GALNTL5: variants seen among roughly 807,000 people sequenced by gnomAD.
GALNTL5 encodes polypeptide N-acetylgalactosaminyltransferase like 5, also known as inactive polypeptide N-acetylgalactosaminyltransferase-like protein 5.
GALNTL5 carries 44 observed loss-of-function variants against 51.0 expected under a neutral mutation model. The ratio of observed to expected loss-of-function variants is 0.86; its 90% CI spans 0.68 to 1.11. The LOEUF (loss-of-function observed/expected upper bound fraction) is 1.11, where lower values mean the gene tolerates loss of function less well. Among genes scored for constraint, GALNTL5 ranks in the 50% least tolerant of loss-of-function variants. GALNTL5 has a pLI of 0.00. For synonymous variants in GALNTL5, 192 were observed against 182.8 expected (o/e 1.05, Z -0.41); for missense variants, 528 against 531.8 (o/e 0.99, Z 0.07).
intron 1 of GALNTL5, among the ~76,000 whole-genome samples, chr7:151,963,420 C>T (rs549220061): frequency 1.1e-4 from 16 of 152,194 alleles, no homozygotes; most frequent in African/African-American, 1.7e-4. Flanking sequence ...TATTTTGAGA[C>T]GGAGTCTCAC....
At chr7:151,978,108 TTTGA>T (rs1396234996) in intron 3 of GALNTL5, among the ~76,000 whole-genome samples, 3 of 152,192 alleles carry the variant, frequency 2.0e-5, no homozygotes, top group African/African-American at 7.2e-5. Flanking sequence ...ATAAGGTTAG[TTTGA>T]TTATTTTACC....
intron 8 of GALNTL5, among the ~76,000 whole-genome samples, chr7:152,019,260 T>C (rs779307635): frequency 1.3e-5 from 2 of 152,208 alleles, no homozygotes; most frequent in Non-Finnish European, 2.9e-5. Context: ...CTCCCTTTAC[T>C]ACATCATCCC....
Position 152,014,802 on chromosome 7 carries a change from C to A in GALNTL5, c.1176+9C>A, listed in dbSNP as rs1218541622. On this transcript the variant is annotated intron_variant, in intron 8 of 8. Transcript: ENST00000392800. Reference sequence around the variant, plus strand: ...GGCTGGATGAATATAAGGTGGGGAACACATCCTTGACTTGGAAAATGTATG... The same window carrying A: ...GGCTGGATGAATATAAGGTGGGGAAAACATCCTTGACTTGGAAAATGTATG... 1 of 1,598,496 alleles carries A rather than the reference C, an allele frequency of 6.3e-7. No individual in the cohort carries two copies. The highest frequency in any genetic ancestry group is 1.1e-5 in the South Asian group (1 of 88,228).
chr7:151,957,417 C>T (rs35850980), intron 1 of GALNTL5, among the ~76,000 whole-genome samples: 2 of 149,492 alleles, frequency 1.3e-5, no homozygotes, highest in Non-Finnish European at 3.0e-5. Context: ...TGGTGGCACT[C>T]ACCAGCCTGT....
chr7:151,968,306 A>G (rs1306344845), intron 2 of GALNTL5, among the ~76,000 whole-genome samples: 3 of 152,214 alleles, frequency 2.0e-5, no homozygotes, highest in Non-Finnish European at 4.4e-5. Context: ...CTCAAAAAAA[A>G]ATAAATAAAT....
intron 5 of GALNTL5, among the ~76,000 whole-genome samples, chr7:152,001,220 T>G (rs2081576253): frequency 1.3e-5 from 2 of 151,988 alleles, no homozygotes; most frequent in Non-Finnish European, 2.9e-5. Context: ...CCATTTTTTT[T>G]TTTTCATTTT....
At chr7:152,012,084 T>C (rs2081744615) in intron 7 of GALNTL5, among the ~76,000 whole-genome samples, 1 of 152,222 alleles carries the variant, frequency 6.6e-6, no homozygotes, top group Admixed American at 6.5e-5. Flanking sequence ...TCATGCTGAA[T>C]GGCAGGAATT....
intron 6 of GALNTL5, 30 bp downstream of exon 6, chr7:152,002,993 T>A (rs754653699): frequency 6.2e-7 from 1 of 1,603,832 alleles, no homozygotes; most frequent in Non-Finnish European, 8.5e-7. Flanking sequence ...TGGAAAAATA[T>A]AGCATACGTG....
At chr7:151,972,156 G>T (rs940651772) in intron 3 of GALNTL5, among the ~76,000 whole-genome samples, 10 of 152,220 alleles carry the variant, frequency 6.6e-5, no homozygotes, top group Admixed American at 4.6e-4. Flanking sequence ...ATTTCCTAGA[G>T]ACTTGTTGAA....
intron 1 of GALNTL5, chr7:151,960,810 C>T (rs939145244): frequency 1.3e-5 from 2 of 152,414 alleles, no homozygotes; most frequent in East Asian, 3.9e-4. Flanking sequence ...GAATGGGTGT[C>T]TCTGCCCTGA....
chr7:152,007,701 A>G, intron 6 of GALNTL5, 126 bp from the exon 7 acceptor site: 1 of 686,800 alleles, frequency 1.5e-6, no homozygotes, highest in South Asian at 1.6e-5. Context: ...TACAGGCATG[A>G]GCCTCCACAC....
intron 5 of GALNTL5, among the ~76,000 whole-genome samples, chr7:151,989,118 G>A (rs1447243709): frequency 2.0e-5 from 3 of 151,304 alleles, no homozygotes; most frequent in Non-Finnish European, 4.4e-5. Flanking sequence ...GTTTTGAATT[G>A]CTGTGTTGTA....
chr7:151,980,146 C>T (rs1007548657), intron 3 of GALNTL5, among the ~76,000 whole-genome samples: 1 of 151,818 alleles, frequency 6.6e-6, no homozygotes, highest in Non-Finnish European at 1.5e-5. Flanking sequence ...TGCAGTGGCG[C>T]CATCTTGGCT....
In GALNTL5 at chr7:151,996,882, T is replaced by A. The variant is rs141639603; in HGVS notation, c.659-5832T>A. Among the ~76,000 whole-genome samples the A allele has an allele frequency of 2.8e-3, 422 of 151,856 alleles. 3 individuals carry two copies. The highest frequency in any genetic ancestry group is 9.5e-3 in the African/African-American group (392 of 41,420). On this transcript the variant is annotated intron_variant, in intron 5 of 8. Transcript: ENST00000392800. ...GAATTTTAATGTGATGTAAAATAAA[T>A]TATATATAATGAGTTACGTTTAAGG...
intron 5 of GALNTL5, among the ~76,000 whole-genome samples, chr7:151,992,054 A>T (rs2081434422): frequency 6.6e-6 from 1 of 152,128 alleles, no homozygotes; most frequent in African/African-American, 2.4e-5. Flanking sequence ...CCTTCTTGTT[A>T]TATTTTTAAA....
chr7:152,009,119 A>G (rs1039706281), intron 7 of GALNTL5, among the ~76,000 whole-genome samples: 4 of 152,186 alleles, frequency 2.6e-5, no homozygotes, highest in African/African-American at 7.2e-5. Flanking sequence ...TTTATAAAGA[A>G]GTATGTAAAT....
chr7:152,013,112 G>A (rs1247284135), intron 7 of GALNTL5, among the ~76,000 whole-genome samples: 2 of 152,104 alleles, frequency 1.3e-5, no homozygotes, highest in Non-Finnish European at 2.9e-5. Flanking sequence ...ACTAAATACT[G>A]CATGTTCTTA....
At chr7:152,008,333 G>A (rs1359822805) in intron 7 of GALNTL5, among the ~76,000 whole-genome samples, 1 of 151,422 alleles carries the variant, frequency 6.6e-6, no homozygotes, top group Non-Finnish European at 1.5e-5. Context: ...CTCCCATCTC[G>A]GCCTCCCAAA....
chr7:151,987,360 A>G, intron 5 of GALNTL5, 79 bp downstream of exon 5: 2 of 1,279,156 alleles, frequency 1.6e-6, no homozygotes, highest in Non-Finnish European at 2.1e-6. Flanking sequence ...CTCTGCAGGG[A>G]GACCTTCTAT....
Sources: gnomAD v4.1 joint callset for allele counts (sites outside exome capture counted in the v4.1 genomes callset) on GRCh38, gnomAD v4.1.1 for gene constraint, MANE v1.5 for transcripts, NCBI Gene and HGNC (gene_info 2026-07-23, HGNC 2026-07-21) for gene names.